The following GRIA4 variants were observed in gnomAD, a reference collection of about 807,000 sequenced individuals.
GRIA4 encodes the protein glutamate ionotropic receptor AMPA type subunit 4, also known as glutamate receptor 4.
In GRIA4, 34 loss-of-function variants were observed where a neutral mutation model predicts 104.0. The ratio of observed to expected loss-of-function variants is 0.33; its 90% CI spans 0.25 to 0.44. The LOEUF is 0.44. Ranked by LOEUF, GRIA4 falls within the 20% of genes least tolerant of loss-of-function variation. The probability of loss-of-function intolerance (pLI) is 1.00; values close to 1 mark genes in which losing one functional copy is unlikely to be tolerated. For missense variants in GRIA4, 750 were observed against 1,096.5 expected (o/e 0.68, Z 4.46); for synonymous variants, 386 against 381.9 (o/e 1.01, Z -0.13).
intron 6 of GRIA4, among the ~76,000 whole-genome samples, chr11:105,890,018 T>C (rs971109086): frequency 2.0e-5 from 3 of 152,182 alleles, no homozygotes; most frequent in Admixed American, 2.0e-4. Flanking sequence ...ACAATAACAA[T>C]TCTTACTTGT....
chr11:105,644,437 CAA>C (rs5794415), intron 3 of GRIA4, among the ~76,000 whole-genome samples: 2,563 of 123,852 alleles, frequency 0.021, 51 homozygotes, highest in East Asian at 0.052. Context: ...ACTAAAGATA[CAA>C]AAAAAAAAAA....
intron 4 of GRIA4, among the ~76,000 whole-genome samples, chr11:105,839,564 C>T (rs1014020404): frequency 1.3e-5 from 2 of 150,410 alleles, no homozygotes; most frequent in Non-Finnish European, 3.0e-5. Flanking sequence ...TTATCAAAAT[C>T]TTTTATAAGC....
At chr11:105,955,929 C>T (rs562012718) in intron 14 of GRIA4, among the ~76,000 whole-genome samples, 45 of 152,078 alleles carry the variant, frequency 3.0e-4, no homozygotes, top group African/African-American at 9.6e-4. Flanking sequence ...TCTTTTGAGA[C>T]GTGTCTGTTC....
At chr11:105,779,974 T>C (rs1051112275) in intron 4 of GRIA4, among the ~76,000 whole-genome samples, 5 of 152,146 alleles carry the variant, frequency 3.3e-5, no homozygotes, top group Admixed American at 2.0e-4. Flanking sequence ...ACTAGAGGAA[T>C]TGCTTTAAAG....
intron 3 of GRIA4, among the ~76,000 whole-genome samples, chr11:105,735,093 C>T (rs7944207): frequency 0.54 from 81,931 of 151,904 alleles, 22,210 homozygotes; most frequent in Admixed American, 0.61. Flanking sequence ...AAATACAATA[C>T]GCAAATCAGC....
intron 4 of GRIA4, among the ~76,000 whole-genome samples, chr11:105,860,882 C>A (rs1290665366): frequency 6.6e-6 from 1 of 150,534 alleles, no homozygotes; most frequent in South Asian, 2.1e-4. Context: ...TTGCTTGAAC[C>A]CAGGAGGTGG....
intron 4 of GRIA4, among the ~76,000 whole-genome samples, chr11:105,770,250 T>A (rs1036228000): frequency 2.6e-5 from 4 of 152,056 alleles, no homozygotes; most frequent in Non-Finnish European, 5.9e-5. Flanking sequence ...GTGGGTACAT[T>A]TTTATTTGGT....
intron 10 of GRIA4, among the ~76,000 whole-genome samples, chr11:105,914,062 T>C (rs1277435514): frequency 1.3e-5 from 2 of 151,230 alleles, no homozygotes; most frequent in African/African-American, 4.8e-5. Flanking sequence ...TAAAATGTAT[T>C]ATATATATAT....
intron 4 of GRIA4, among the ~76,000 whole-genome samples, chr11:105,785,989 T>C (rs563140354): frequency 6.6e-6 from 1 of 151,200 alleles, no homozygotes; most frequent in Non-Finnish European, 1.5e-5. Context: ...TACCAAAAAA[T>C]ACAAAAATTA....
At position 105,870,014 on chromosome 11, in the gene GRIA4, T is replaced by C. The variant is rs150337038; in HGVS notation, c.672+7806T>C. ...CAGTTTAAGATTGGATATAAGAAATTTATTTTCCATTTTTTAAAGTTTTTT... is the reference window on the plus strand; with the variant it reads ...CAGTTTAAGATTGGATATAAGAAATCTATTTTCCATTTTTTAAAGTTTTTT... On this transcript the variant is annotated intron_variant, in intron 5 of 16. Transcript: ENST00000282499. Among the ~76,000 whole-genome samples the C allele has an allele frequency of 3.4e-4, 52 of 151,984 alleles. No individual in the cohort carries two copies. In the East Asian group the frequency reaches 9.7e-3, roughly 28 times the overall value.
chr11:105,894,901 G>T lies in GRIA4; in HGVS notation c.727-3368G>T, dbSNP rs1180065648. On this transcript the variant is annotated intron_variant, in intron 6 of 16. Transcript: ENST00000282499. ...TGCAAGCTCCGCTTCCCGGGTTCAC[G>T]CCATTCTCCTGCCTCAGCCTCCCGA... Among the ~76,000 whole-genome samples the T allele has an allele frequency of 1.7e-5, 2 of 114,614 alleles. 1 individual carries two copies. Among genetic ancestry groups the T allele is most frequent in the African/African-American group, 6.5e-5 (2 of 30,966 alleles). The allele number at this position is 114,614 out of a possible 152,430, so 75.2% of individuals were successfully genotyped here.
chr11:105,611,815 G>A lies in GRIA4; in HGVS notation c.89-461G>A, dbSNP rs1054312144. Among the ~76,000 whole-genome samples, 6 of 152,304 alleles carry A rather than the reference G, an allele frequency of 3.9e-5. No homozygotes were observed. The South Asian group carries it at 6.2e-4, about 16-fold the overall frequency. The stretch of plus-strand genomic sequence containing the variant: ...TCTCGTGGACTGTGCATAAAACGGA[G>A]TTAATTAGGCTGAGTCCACGAGCTG... On this transcript the variant is annotated intron_variant, in intron 2 of 16. Coordinates refer to ENST00000282499, the MANE Select transcript of GRIA4 (RefSeq NM_000829.4).
At chr11:105,675,184 T>A (rs979218474) in intron 3 of GRIA4, among the ~76,000 whole-genome samples, 1 of 151,842 alleles carries the variant, frequency 6.6e-6, no homozygotes, top group African/African-American at 2.4e-5. Flanking sequence ...GACTTGATGG[T>A]GAGGTAGAGC....
At chr11:105,979,140 T>C (rs3758792) in intron 16 of GRIA4, among the ~76,000 whole-genome samples, 43,274 of 152,030 alleles carry the variant, frequency 0.28, 6,146 homozygotes, top group Non-Finnish European at 0.29. Context: ...TCTATACATA[T>C]CGTTTGTTTA....
At chr11:105,624,343 T>C (rs1206234555) in intron 3 of GRIA4, among the ~76,000 whole-genome samples, 1 of 152,084 alleles carries the variant, frequency 6.6e-6, no homozygotes, top group Non-Finnish European at 1.5e-5. Context: ...ACTTTCAAAG[T>C]AGGAGAAAGC....
At chr11:105,706,117 A>G (rs549113292) in intron 3 of GRIA4, among the ~76,000 whole-genome samples, 1 of 152,342 alleles carries the variant, frequency 6.6e-6, no homozygotes, top group South Asian at 2.1e-4. Context: ...AAGATATTTA[A>G]CTTAAGGAAA....
At chr11:105,801,551 TAG>T (rs1302724529) in intron 4 of GRIA4, among the ~76,000 whole-genome samples, 1 of 152,078 alleles carries the variant, frequency 6.6e-6, no homozygotes, top group African/African-American at 2.4e-5. Context: ...CCATTAAAGT[TAG>T]AGACATAATT....
intron 4 of GRIA4, among the ~76,000 whole-genome samples, chr11:105,859,784 A>G (rs183182300): frequency 1.8e-3 from 281 of 152,318 alleles, no homozygotes; most frequent in Middle Eastern, 6.8e-3. Context: ...AGGAGAAAAA[A>G]GAAAAGTAAT....
Position 105,883,228 on chromosome 11 carries a change from C to G in GRIA4, c.673-4291C>G, listed in dbSNP as rs533673175. ...AATTGATCCTTCCTAAGCTATTCTACAGAACTCTAAACAGACGATCATTAT... is the reference window on the plus strand; with the variant it reads ...AATTGATCCTTCCTAAGCTATTCTAGAGAACTCTAAACAGACGATCATTAT... On this transcript the variant is annotated intron_variant, in intron 5 of 16. Transcript: ENST00000282499. Among the ~76,000 whole-genome samples, 24 of 151,624 alleles carry G rather than the reference C, an allele frequency of 1.6e-4. 1 individual carries two copies. The South Asian group carries it at 5.0e-3, about 32-fold the overall frequency.
Sources: gnomAD v4.1 joint callset for allele counts (sites outside exome capture counted in the v4.1 genomes callset) on GRCh38, gnomAD v4.1.1 for gene constraint, MANE v1.5 for transcripts, NCBI Gene and HGNC (gene_info 2026-07-23, HGNC 2026-07-21) for gene names.